Variants in CAMKMT observed in about 807,000 individuals in gnomAD.
CAMKMT encodes calmodulin-lysine N-methyltransferase.
CAMKMT carries 53 observed loss-of-function variants against 48.0 expected under a neutral mutation model. The ratio of observed to expected loss-of-function variants is 1.10; its 90% CI spans 0.89 to 1.39. The LOEUF (loss-of-function observed/expected upper bound fraction) is 1.39, where lower values mean the gene tolerates loss of function less well. Among genes scored for constraint, CAMKMT ranks in the 40% most tolerant of loss-of-function variants. The pLI is 0.00. For missense variants in CAMKMT, 428 were observed against 402.7 expected (o/e 1.06, Z -0.54); for synonymous variants, 165 against 152.3 (o/e 1.08, Z -0.61).
intron 3 of CAMKMT, among the ~76,000 whole-genome samples, chr2:44,702,715 C>G (rs1156678179): frequency 6.6e-6 from 1 of 152,144 alleles, no homozygotes; most frequent in African/African-American, 2.4e-5. Flanking sequence ...GCTGGTTTTC[C>G]TTGTTTCTCC....
intron 3 of CAMKMT, among the ~76,000 whole-genome samples, chr2:44,476,960 A>C (rs570956760): frequency 7.2e-5 from 11 of 152,320 alleles, no homozygotes; most frequent in African/African-American, 2.6e-4. Flanking sequence ...TTACTGAAGT[A>C]ATGAAAGAAA....
chr2:44,385,935 C>CT (rs1558562864), intron 2 of CAMKMT, among the ~76,000 whole-genome samples: 1 of 151,956 alleles, frequency 6.6e-6, no homozygotes, highest in African/African-American at 2.4e-5. Flanking sequence ...CTGTAGTTTT[C>CT]TTTTTTGGTT....
chr2:44,715,604 G>A (rs1384704274), intron 7 of CAMKMT, among the ~76,000 whole-genome samples: 1 of 152,176 alleles, frequency 6.6e-6, no homozygotes, highest in African/African-American at 2.4e-5. Flanking sequence ...GGTTGGGGAT[G>A]ATTTATGATT....
intron 3 of CAMKMT, among the ~76,000 whole-genome samples, chr2:44,611,900 G>C (rs1671620417): frequency 6.6e-6 from 1 of 152,040 alleles, no homozygotes; most frequent in South Asian, 2.1e-4. Context: ...TGTGAACTCA[G>C]AGCAAGAGCT....
chr2:44,429,974 A>G lies in CAMKMT; in HGVS notation c.376+39669A>G, dbSNP rs767961702. Among the ~76,000 whole-genome samples the G allele has an allele frequency of 5.7e-4, 87 of 152,220 alleles. 1 individual carries two copies. Among genetic ancestry groups the G allele is most frequent in the Non-Finnish European group, 1.0e-3 (71 of 68,020 alleles). On this transcript the variant is annotated intron_variant, in intron 3 of 10. Coordinates refer to ENST00000378494, the MANE Select transcript of CAMKMT (RefSeq NM_024766.5). Reference sequence around the variant, plus strand: ...ATTGAGACAAAAATCTCTAAATGATAAAAATAATTAGTAATCCAGGACTCT... The same window carrying G: ...ATTGAGACAAAAATCTCTAAATGATGAAAATAATTAGTAATCCAGGACTCT...
chr2:44,545,181 A>T (rs949176049), intron 3 of CAMKMT, among the ~76,000 whole-genome samples: 1 of 152,238 alleles, frequency 6.6e-6, no homozygotes, highest in African/African-American at 2.4e-5. Flanking sequence ...GGGCAAAATT[A>T]AAGAAAACAT....
chr2:44,622,738 G>C lies in CAMKMT; in HGVS notation c.377-81545G>C, dbSNP rs1672267910. Among the ~76,000 whole-genome samples, 4 of 152,302 alleles carry C rather than the reference G, an allele frequency of 2.6e-5. No individual in the cohort carries two copies. The South Asian group carries it at 8.3e-4, about 32-fold the overall frequency. ...ACATATTTTCTTTATCCAGTCCACT[G>C]TTGATGGGCTGGTTTGATTCCATGT... is the stretch of plus-strand genomic sequence containing the variant. On this transcript the variant is annotated intron_variant, in intron 3 of 10. Transcript: ENST00000378494.
intron 3 of CAMKMT, among the ~76,000 whole-genome samples, chr2:44,545,215 G>T (rs947354783): frequency 1.3e-5 from 2 of 152,216 alleles, no homozygotes; most frequent in Admixed American, 1.3e-4. Flanking sequence ...TAGGAGAGGT[G>T]AAAGGATTGC....
chr2:44,719,093 C>T (rs1479364800), intron 7 of CAMKMT, among the ~76,000 whole-genome samples: 1 of 152,124 alleles, frequency 6.6e-6, no homozygotes, highest in Non-Finnish European at 1.5e-5. Flanking sequence ...CCCTTATATC[C>T]ACATCTCATC....
At chr2:44,661,707 A>C (rs766392010) in intron 3 of CAMKMT, among the ~76,000 whole-genome samples, 18 of 152,196 alleles carry the variant, frequency 1.2e-4, no homozygotes, top group Non-Finnish European at 2.5e-4. Context: ...TAAACTATCA[A>C]GCACTTCCCC....
chr2:44,636,758 C>T (rs1673157480), intron 3 of CAMKMT, among the ~76,000 whole-genome samples: 1 of 152,168 alleles, frequency 6.6e-6, no homozygotes, highest in Non-Finnish European at 1.5e-5. Context: ...TACATAAACT[C>T]ATTTTACCAA....
chr2:44,600,215 C>T lies in CAMKMT; in HGVS notation c.377-104068C>T, dbSNP rs191826463. Among the ~76,000 whole-genome samples the T allele has an allele frequency of 1.6e-3, 237 of 152,068 alleles. 3 individuals are homozygous for T. The highest frequency in any genetic ancestry group is 5.8e-3 in the South Asian group (28 of 4,814). ...AACAGATGATAAAAGAGATTCTCCTCAGCTTCACCATTCCATTACATACCA... is the reference window on the plus strand; with the variant it reads ...AACAGATGATAAAAGAGATTCTCCTTAGCTTCACCATTCCATTACATACCA... On this transcript the variant is annotated intron_variant, in intron 3 of 10. Coordinates refer to ENST00000378494, the MANE Select transcript of CAMKMT (RefSeq NM_024766.5).
chr2:44,666,515 T>G (rs1674978291), intron 3 of CAMKMT, among the ~76,000 whole-genome samples: 1 of 152,104 alleles, frequency 6.6e-6, no homozygotes, highest in Non-Finnish European at 1.5e-5. Context: ...GACACCAAGA[T>G]CTAAGTTCAG....
chr2:44,713,286 A>AGATT (rs1677981981), intron 6 of CAMKMT, among the ~76,000 whole-genome samples: 1 of 152,194 alleles, frequency 6.6e-6, no homozygotes, highest in Non-Finnish European at 1.5e-5. Flanking sequence ...TTTGCTTGAT[A>AGATT]GATTAGTCAT....
intron 3 of CAMKMT, among the ~76,000 whole-genome samples, chr2:44,684,604 C>A (rs1394611839): frequency 6.6e-6 from 1 of 152,078 alleles, no homozygotes; most frequent in Non-Finnish European, 1.5e-5. Flanking sequence ...GTAGATATCC[C>A]CAGATAAGCC....
chr2:44,707,386 T>C lies in CAMKMT; in HGVS notation c.493-13T>C, dbSNP rs2104279629. ...TTTGCTCATTGTTTGCTGTGCTCCC[T>C]TTTTTTTTTCAGGTTGCTATTTCTG... On this transcript the variant is annotated splice_polypyrimidine_tract_variant and intron_variant, in intron 5 of 10. Transcript: ENST00000378494. The C allele has an allele frequency of 1.5e-6, 2 of 1,310,554 alleles. No homozygotes were observed. The highest frequency in any genetic ancestry group is 2.8e-5 in the South Asian group (2 of 70,826). 81.2% of individuals were successfully genotyped at this position (1,310,554 alleles called of 1,614,324 possible).
At chr2:44,481,976 C>T (rs1312106520) in intron 3 of CAMKMT, among the ~76,000 whole-genome samples, 1 of 152,044 alleles carries the variant, frequency 6.6e-6, no homozygotes, top group Admixed American at 6.6e-5. Context: ...ATGTATTTAA[C>T]TTTCCCATAT....
chr2:44,620,063 C>T (rs1395059207), intron 3 of CAMKMT, among the ~76,000 whole-genome samples: 2 of 152,132 alleles, frequency 1.3e-5, no homozygotes, highest in Admixed American at 1.3e-4. Flanking sequence ...ATAAATATTT[C>T]AGTGTCTATC....
At chr2:44,536,465 T>C (rs1187700110) in intron 3 of CAMKMT, among the ~76,000 whole-genome samples, 5 of 151,676 alleles carry the variant, frequency 3.3e-5, no homozygotes, top group African/African-American at 1.2e-4. Context: ...GCTGGGATTA[T>C]AGGTGCCCGC....
Sources: allele counts gnomAD v4.1 joint callset (sites outside exome capture counted in the v4.1 genomes callset), GRCh38; gene constraint gnomAD v4.1.1; transcripts MANE v1.5; gene names NCBI Gene and HGNC (gene_info 2026-07-23, HGNC 2026-07-21).